Variants in JAZF1 observed in about 807,000 individuals in gnomAD.
JAZF1 encodes JAZF zinc finger 1, also known as juxtaposed with another zinc finger protein 1.
In JAZF1, 8 loss-of-function variants were observed where a neutral mutation model predicts 26.4. That is an observed-to-expected ratio of 0.30 (90% CI 0.18 to 0.55). The LOEUF is 0.55. Ranked by LOEUF, JAZF1 falls within the 20% of genes least tolerant of loss-of-function variation. JAZF1 has a pLI of 0.94. For missense variants in JAZF1, 199 were observed against 322.0 expected, an observed-to-expected ratio of 0.62 and a Z score of 2.92; for synonymous variants, 126 against 122.3, an observed-to-expected ratio of 1.03 and a Z score of -0.20.
intron 4 of JAZF1, among the ~76,000 whole-genome samples, chr7:27,836,968 CT>C (rs1782825499): frequency 2.0e-5 from 3 of 149,696 alleles, no homozygotes; most frequent in African/African-American, 7.6e-5. Flanking sequence ...CACACACTCT[CT>C]CTCTCAATAC....
At chr7:28,180,011 C>G (rs1783614405) in intron 1 of JAZF1, among the ~76,000 whole-genome samples, 1 of 146,996 alleles carries the variant, frequency 6.8e-6, no homozygotes, top group Non-Finnish European at 1.5e-5. Context: ...CGCCCGCCCC[C>G]CGCTGCCCTC....
At chr7:28,078,677 G>T (rs941091285) in intron 1 of JAZF1, among the ~76,000 whole-genome samples, 1 of 152,090 alleles carries the variant, frequency 6.6e-6, no homozygotes, top group African/African-American at 2.4e-5. Flanking sequence ...AGTGAATCCG[G>T]ACACTATACT....
chr7:28,090,817 GTTT>G (rs11367530), intron 1 of JAZF1, among the ~76,000 whole-genome samples: 3 of 101,796 alleles, frequency 2.9e-5, no homozygotes, highest in Non-Finnish European at 5.9e-5. Context: ...TTTTTTAGTT[GTTT>G]TTTTTTTTTT....
intron 1 of JAZF1, 97 bp from the exon 2 acceptor site, chr7:27,992,078 A>G (rs929595733): frequency 6.3e-6 from 5 of 791,140 alleles, no homozygotes; most frequent in Non-Finnish European, 1.1e-5. Flanking sequence ...AGAGAAAAAG[A>G]TTAATTTAGT....
chr7:27,990,243 T>C (rs935350975), intron 2 of JAZF1, among the ~76,000 whole-genome samples: 2 of 151,966 alleles, frequency 1.3e-5, no homozygotes, highest in African/African-American at 2.4e-5. Context: ...ATGAGAACAC[T>C]TGGACACAGG....
intron 3 of JAZF1, chr7:27,844,196 G>A (rs1782976405): frequency 6.6e-6 from 1 of 152,188 alleles, no homozygotes. Context: ...AAACTTTTGA[G>A]GCCAAAACAC....
intron 1 of JAZF1, among the ~76,000 whole-genome samples, chr7:28,146,364 C>A (rs919065628): frequency 2.6e-5 from 4 of 152,234 alleles, no homozygotes; most frequent in Non-Finnish European, 5.9e-5. Flanking sequence ...ACCAGATGAT[C>A]TGTAACTTGT....
Position 28,002,033 on chromosome 7 carries a change from T to A in JAZF1, c.116-10052A>T, listed in dbSNP as rs764588885. On this transcript the variant is annotated intron_variant, in intron 1 of 4. Coordinates refer to ENST00000283928, the MANE Select transcript of JAZF1 (RefSeq NM_175061.4). ...AGAAGTCTGGAACTCAAAGGGGAGA[T>A]AAAAGACTCATGGTATAGATAGGAA... Among the ~76,000 whole-genome samples the A allele has an allele frequency of 1.3e-5, 2 of 152,150 alleles. 1 individual carries two copies. Among genetic ancestry groups the A allele is most frequent in the Middle Eastern group, 6.8e-3 (2 of 294 alleles).
At chr7:27,961,369 G>A (rs1275820765) in intron 2 of JAZF1, among the ~76,000 whole-genome samples, 1 of 152,170 alleles carries the variant, frequency 6.6e-6, no homozygotes, top group Non-Finnish European at 1.5e-5. Flanking sequence ...AATATATGAT[G>A]TGTATATGAA....
intron 2 of JAZF1, among the ~76,000 whole-genome samples, chr7:27,940,800 G>A (rs1009524283): frequency 5.9e-5 from 9 of 152,150 alleles, no homozygotes; most frequent in South Asian, 2.1e-4. Flanking sequence ...TTCTGTATCT[G>A]AACTTTTACA....
intron 1 of JAZF1, among the ~76,000 whole-genome samples, chr7:28,015,488 TC>T (rs1782875777): frequency 6.6e-6 from 1 of 152,172 alleles, no homozygotes; most frequent in Non-Finnish European, 1.5e-5. Flanking sequence ...TGTGATTTTT[TC>T]TAAAATAAAA....
chr7:27,987,424 G>GCCCC (rs1210379924), intron 2 of JAZF1, among the ~76,000 whole-genome samples: 1 of 151,598 alleles, frequency 6.6e-6, no homozygotes, highest in Non-Finnish European at 1.5e-5. Flanking sequence ...CCCGGCAGCC[G>GCCCC]CCCCGTCTGG....
At chr7:28,064,121 T>A (rs1412800125) in intron 1 of JAZF1, among the ~76,000 whole-genome samples, 2 of 151,788 alleles carry the variant, frequency 1.3e-5, no homozygotes, top group Non-Finnish European at 2.9e-5. Context: ...ATTTAAAAAA[T>A]ATATATATAT....
intron 1 of JAZF1, among the ~76,000 whole-genome samples, chr7:28,000,716 T>G (rs1007648038): frequency 6.6e-6 from 1 of 151,114 alleles, no homozygotes; most frequent in African/African-American, 2.4e-5. Context: ...CCTCCCACGT[T>G]CAATCGATTC....
At chr7:28,060,957 C>A (rs777796753) in intron 1 of JAZF1, among the ~76,000 whole-genome samples, 2 of 152,202 alleles carry the variant, frequency 1.3e-5, no homozygotes, top group Non-Finnish European at 2.9e-5. Context: ...TTCCACTGAT[C>A]CTGCAGGCAG....
chr7:27,901,382 A>G (rs1277209609), intron 2 of JAZF1, among the ~76,000 whole-genome samples: 1 of 152,222 alleles, frequency 6.6e-6, no homozygotes, highest in Non-Finnish European at 1.5e-5. Flanking sequence ...ACGTGGAAAC[A>G]TGAATATAAC....
intron 1 of JAZF1, among the ~76,000 whole-genome samples, chr7:28,138,463 C>T (rs767527473): frequency 3.1e-4 from 47 of 152,190 alleles, no homozygotes; most frequent in Non-Finnish European, 5.7e-4. Flanking sequence ...TATTAAGTTG[C>T]TATGCCTTCC....
chr7:27,968,055 C>CT (rs568063559), intron 2 of JAZF1, among the ~76,000 whole-genome samples: 60 of 152,282 alleles, frequency 3.9e-4, no homozygotes, highest in African/African-American at 5.5e-4. Flanking sequence ...TAGTCAAAGA[C>CT]TTTCAACAGA....
chr7:28,156,488 T>G (rs1783187976), intron 1 of JAZF1, among the ~76,000 whole-genome samples: 2 of 152,192 alleles, frequency 1.3e-5, no homozygotes, highest in South Asian at 4.1e-4. Flanking sequence ...GGAGAAAATG[T>G]TTGTTGATTC....
Sources: allele counts gnomAD v4.1 joint callset (sites outside exome capture counted in the v4.1 genomes callset), GRCh38; gene constraint gnomAD v4.1.1; transcripts MANE v1.5; gene names NCBI Gene and HGNC (gene_info 2026-07-23, HGNC 2026-07-21).